The following DLG2 variants were observed in gnomAD, a reference collection of about 807,000 sequenced individuals.
DLG2 encodes discs large MAGUK scaffold protein 2.
DLG2 carries 45 observed loss-of-function variants against 132.5 expected under a neutral mutation model. That is an observed-to-expected ratio of 0.34 (90% CI 0.27 to 0.44). The LOEUF is 0.44. Ranked by LOEUF, DLG2 falls within the 20% of genes least tolerant of loss-of-function variation. DLG2 has a pLI of 1.00. For synonymous variants in DLG2, 424 were observed against 419.6 expected, an observed-to-expected ratio of 1.01 and a Z score of -0.13; for missense variants, 1,045 against 1,196.9, an observed-to-expected ratio of 0.87 and a Z score of 1.87.
chr11:85,354,101 T>C (rs1470690462), intron 3 of DLG2, among the ~76,000 whole-genome samples: 1 of 152,070 alleles, frequency 6.6e-6, no homozygotes, highest in Admixed American at 6.6e-5. Context: ...CACTATTCAT[T>C]TTTTTCTATG....
At chr11:85,141,308 TTGA>T (rs1214120981) in intron 5 of DLG2, among the ~76,000 whole-genome samples, 1 of 151,870 alleles carries the variant, frequency 6.6e-6, no homozygotes, top group Non-Finnish European at 1.5e-5. Context: ...TTTGCATTTC[TTGA>T]TGATTAATAA....
intron 15 of DLG2, among the ~76,000 whole-genome samples, chr11:83,896,187 A>T (rs1483390): frequency 0.41 from 62,088 of 152,112 alleles, 13,143 homozygotes; most frequent in South Asian, 0.59. Flanking sequence ...CAGTGGTGAA[A>T]CTTAATTTTG....
intron 3 of DLG2, among the ~76,000 whole-genome samples, chr11:85,408,533 C>T (rs894475466): frequency 3.5e-5 from 5 of 143,388 alleles, no homozygotes; most frequent in African/African-American, 7.7e-5. Flanking sequence ...TCTCCCAATG[C>T]TATCCCTCCC....
chr11:83,768,084 C>T (rs890008664), intron 18 of DLG2, among the ~76,000 whole-genome samples: 6 of 152,094 alleles, frequency 3.9e-5, no homozygotes, highest in African/African-American at 9.7e-5. Context: ...TTAGGACTAG[C>T]GAGATAATGC....
At chr11:84,652,427 G>T (rs1404171334) in intron 6 of DLG2, among the ~76,000 whole-genome samples, 3 of 152,146 alleles carry the variant, frequency 2.0e-5, no homozygotes, top group South Asian at 2.1e-4. Context: ...TTGAGAGATT[G>T]GTTGGATCAT....
At chr11:84,526,714 G>GA (rs2099321619) in intron 7 of DLG2, among the ~76,000 whole-genome samples, 1 of 149,020 alleles carries the variant, frequency 6.7e-6, no homozygotes, top group East Asian at 2.0e-4. Context: ...GAAAACATAA[G>GA]AAAAAACATA....
At chr11:84,222,930 T>C (rs2096936210) in intron 8 of DLG2, among the ~76,000 whole-genome samples, 1 of 152,228 alleles carries the variant, frequency 6.6e-6, no homozygotes, top group African/African-American at 2.4e-5. Context: ...GTTAATGAGT[T>C]TAATACTTGG....
chr11:83,685,627 C>T (rs979020377), intron 18 of DLG2, among the ~76,000 whole-genome samples: 3 of 151,974 alleles, frequency 2.0e-5, no homozygotes, highest in Non-Finnish European at 2.9e-5. Flanking sequence ...TTTTTATACT[C>T]GCTCCCAAGG....
chr11:84,482,402 C>A (rs1385983941), intron 7 of DLG2, among the ~76,000 whole-genome samples: 2 of 152,088 alleles, frequency 1.3e-5, no homozygotes, highest in African/African-American at 4.8e-5. Context: ...AATCCATGAT[C>A]AAAAATGTTG....
chr11:83,643,563 G>C (rs371803485), intron 18 of DLG2: 3 of 152,130 alleles, frequency 2.0e-5, no homozygotes, highest in Non-Finnish European at 4.4e-5. Context: ...TTAAATCTTC[G>C]CTGAATTTGT....
At chr11:83,885,731 C>G (rs2067661926) in intron 15 of DLG2, among the ~76,000 whole-genome samples, 1 of 152,216 alleles carries the variant, frequency 6.6e-6, no homozygotes, top group South Asian at 2.1e-4. Flanking sequence ...GGAAGCCCAT[C>G]AGACTAACAG....
At chr11:84,419,971 C>G (rs1410051953) in intron 7 of DLG2, among the ~76,000 whole-genome samples, 1 of 152,186 alleles carries the variant, frequency 6.6e-6, no homozygotes, top group Non-Finnish European at 1.5e-5. Context: ...TTTTCCTACA[C>G]TCAGCAGATG....
chr11:85,070,305 AAAAT>A (rs60646994), intron 6 of DLG2, among the ~76,000 whole-genome samples: 94,957 of 145,764 alleles, frequency 0.65, 31,631 homozygotes, highest in African/African-American at 0.79. Flanking sequence ...AGTATAATAA[AAAAT>A]AAATAAATAA....
chr11:84,491,444 C>T (rs1288873388), intron 7 of DLG2, among the ~76,000 whole-genome samples: 3 of 152,140 alleles, frequency 2.0e-5, no homozygotes, highest in Non-Finnish European at 2.9e-5. Context: ...AATTAAACCT[C>T]TTCCTTCTGT....
intron 7 of DLG2, among the ~76,000 whole-genome samples, chr11:84,506,987 T>G (rs2154513209): frequency 6.6e-6 from 1 of 152,350 alleles, no homozygotes; most frequent in South Asian, 2.1e-4. Flanking sequence ...TTCTGCTCAT[T>G]GTATAATCCT....
intron 3 of DLG2, among the ~76,000 whole-genome samples, chr11:85,291,602 T>TTTA (rs2078897154): frequency 1.4e-5 from 2 of 147,648 alleles, no homozygotes; most frequent in Admixed American, 1.4e-4. Context: ...TTTTTTTTTT[T>TTTA]AAGACAGAGT....
chr11:85,497,468 T>C (rs1354118576), intron 3 of DLG2, among the ~76,000 whole-genome samples: 1 of 151,810 alleles, frequency 6.6e-6, no homozygotes, highest in East Asian at 1.9e-4. Flanking sequence ...TACTGGAAAA[T>C]GACTGGGAGA....
intron 6 of DLG2, among the ~76,000 whole-genome samples, chr11:85,038,862 T>C (rs1417743446): frequency 2.0e-5 from 3 of 152,004 alleles, no homozygotes; most frequent in Non-Finnish European, 4.4e-5. Flanking sequence ...GTGTGTTCTG[T>C]AAGTTCAAAC....
intron 3 of DLG2, among the ~76,000 whole-genome samples, chr11:85,574,366 G>A (rs751596638): frequency 6.7e-6 from 1 of 150,358 alleles, no homozygotes; most frequent in Admixed American, 6.6e-5. Flanking sequence ...CAAATATGCT[G>A]CTTTCCTACA....
Sources: allele counts gnomAD v4.1 joint callset (sites outside exome capture counted in the v4.1 genomes callset), GRCh38; gene constraint gnomAD v4.1.1; transcripts MANE v1.5; gene names NCBI Gene and HGNC (gene_info 2026-07-23, HGNC 2026-07-21).